PTK2: variants seen among roughly 807,000 people sequenced by gnomAD.
The protein encoded by PTK2 is focal adhesion kinase 1.
Under a neutral mutation model 150.1 loss-of-function variants are expected in PTK2, and 45 were observed. That is an observed-to-expected ratio of 0.30 (90% CI 0.24 to 0.38). The LOEUF (loss-of-function observed/expected upper bound fraction) is 0.38, where lower values mean the gene tolerates loss of function less well. PTK2 is among the 10% of genes least tolerant of loss of function. PTK2 has a pLI of 1.00. For missense variants in PTK2, 919 were observed against 1,307.3 expected (o/e 0.70, Z 4.58); for synonymous variants, 432 against 449.2 (o/e 0.96, Z 0.48).
At chr8:140,682,612 AT>A (rs2100017691) in intron 27 of PTK2, among the ~76,000 whole-genome samples, 1 of 151,752 alleles carries the variant, frequency 6.6e-6, no homozygotes, top group African/African-American at 2.4e-5. Flanking sequence ...ACAATTGGCT[AT>A]AAAACAATTC....
chr8:140,871,037 A>G (rs2100142190), intron 4 of PTK2, among the ~76,000 whole-genome samples: 1 of 152,212 alleles, frequency 6.6e-6, no homozygotes, highest in African/African-American at 2.4e-5. Flanking sequence ...AGCTCCCTAC[A>G]ACAAAGAATT....
At chr8:140,671,134 C>G (rs1419983371) in intron 29 of PTK2, among the ~76,000 whole-genome samples, 2 of 152,132 alleles carry the variant, frequency 1.3e-5, no homozygotes, top group African/African-American at 2.4e-5. Flanking sequence ...CAGTTAAGAA[C>G]CAAAATGCAG....
chr8:140,790,295 G>A (rs2100087698), intron 13 of PTK2, among the ~76,000 whole-genome samples: 1 of 152,100 alleles, frequency 6.6e-6, no homozygotes, highest in Non-Finnish European at 1.5e-5. Flanking sequence ...CACAATGCTT[G>A]GAACAAGAGT....
intron 1 of PTK2, among the ~76,000 whole-genome samples, chr8:140,950,364 C>A (rs1569424383): frequency 1.3e-5 from 2 of 152,256 alleles, no homozygotes; most frequent in Admixed American, 6.5e-5. Flanking sequence ...TTCCCCTCAT[C>A]CAGATGCGGG....
rs1480178448 is a variant in PTK2 at position 140,677,612 on chromosome 8, TTACAA to T, written c.2563-2118_2563-2114del. On this transcript the variant is annotated intron_variant, in intron 27 of 31. Transcript: ENST00000522684. ...TTCTATTGAAAAGAGATCCACTTCT[TTACAA>T]TACAAGTGCTATAAAAAATAGCACA... Among the ~76,000 whole-genome samples the T allele has an allele frequency of 4.7e-4, 71 of 152,348 alleles. 1 individual carries two copies. The highest frequency in any genetic ancestry group is 1.4e-3 in the African/African-American group (57 of 41,586).
chr8:140,706,257 C>G (rs1591384903), intron 23 of PTK2, 52 bp from the exon 27 acceptor site: 6 of 1,381,346 alleles, frequency 4.3e-6, no homozygotes, highest in Non-Finnish European at 6.2e-6. Context: ...TTTGACAAAC[C>G]TGTACTTTAT....
intron 1 of PTK2, among the ~76,000 whole-genome samples, chr8:140,952,760 G>A (rs148571343): frequency 1.3e-5 from 2 of 152,210 alleles, no homozygotes; most frequent in Non-Finnish European, 2.9e-5. Flanking sequence ...TTTACCACCA[G>A]ACTTAGAAGA....
chr8:140,953,088 A>C (rs949418068), intron 1 of PTK2, among the ~76,000 whole-genome samples: 1 of 152,216 alleles, frequency 6.6e-6, no homozygotes, highest in Non-Finnish European at 1.5e-5. Flanking sequence ...ATTAAAATTA[A>C]GGAGTTAGGA....
intron 1 of PTK2, among the ~76,000 whole-genome samples, chr8:140,980,407 G>C (rs1006583389): frequency 2.0e-5 from 3 of 152,248 alleles, no homozygotes; most frequent in Non-Finnish European, 1.5e-5. Context: ...TGGATCACGA[G>C]GTCAGGAGAT....
chr8:140,926,286 A>T (rs2100169420), intron 1 of PTK2, among the ~76,000 whole-genome samples: 1 of 152,206 alleles, frequency 6.6e-6, no homozygotes, highest in Non-Finnish European at 1.5e-5. Flanking sequence ...TAACATATCT[A>T]ATATTAAAAC....
intron 1 of PTK2, among the ~76,000 whole-genome samples, chr8:140,928,393 A>G (rs2100170501): frequency 6.6e-6 from 1 of 152,232 alleles, no homozygotes; most frequent in Non-Finnish European, 1.5e-5. Context: ...GGAAAACAAC[A>G]TGGGTGGTCC....
At chr8:140,754,142 C>T (rs1222997308) in intron 16 of PTK2, among the ~76,000 whole-genome samples, 1 of 152,146 alleles carries the variant, frequency 6.6e-6, no homozygotes, top group East Asian at 1.9e-4. Context: ...GACTGCATTC[C>T]CTTTCTTCAC....
chr8:140,899,051 T>C (rs917069509), intron 2 of PTK2, among the ~76,000 whole-genome samples: 1 of 152,342 alleles, frequency 6.6e-6, no homozygotes, highest in Non-Finnish European at 1.5e-5. Context: ...TCTATAACGC[T>C]TGAGTTTATT....
chr8:140,925,491 T>A, intron 2 of PTK2, 170 bp downstream of exon 2: 1 of 305,956 alleles, frequency 3.3e-6, no homozygotes, highest in Non-Finnish European at 4.8e-6. Context: ...TTTTCAAAAA[T>A]TTTAGTCTAT....
At chr8:140,698,924 ATTTTTTTTTTTT>A (rs10713722) in intron 26 of PTK2, among the ~76,000 whole-genome samples, 2 of 96,202 alleles carry the variant, frequency 2.1e-5, no homozygotes, top group South Asian at 3.6e-4. Flanking sequence ...TAATTTTTGT[ATTTTTTTTTTTT>A]TTTTTTTTTT....
chr8:140,674,857 G>A (rs1589434518), intron 28 of PTK2, among the ~76,000 whole-genome samples: 1 of 150,980 alleles, frequency 6.6e-6, no homozygotes, highest in African/African-American at 2.4e-5. Flanking sequence ...GACCAGCCTG[G>A]GCAACACGAT....
At chr8:140,755,272 T>C (rs2154528843) in intron 16 of PTK2, among the ~76,000 whole-genome samples, 1 of 152,270 alleles carries the variant, frequency 6.6e-6, no homozygotes, top group East Asian at 1.9e-4. Context: ...AAAAAATGTG[T>C]GCCAATCAGA....
At chr8:140,876,372 T>C (rs1364113495) in intron 4 of PTK2, among the ~76,000 whole-genome samples, 1 of 152,260 alleles carries the variant, frequency 6.6e-6, no homozygotes, top group African/African-American at 2.4e-5. Flanking sequence ...CTTTCCTCAC[T>C]ACTTTGAACA....
chr8:140,722,617 G>C (rs760297188), intron 22 of PTK2, among the ~76,000 whole-genome samples: 10 of 152,100 alleles, frequency 6.6e-5, no homozygotes, highest in Non-Finnish European at 1.3e-4. Context: ...ATGGTCACTG[G>C]GAGCAGGAGA....
Sources: gnomAD v4.1 joint callset for allele counts (sites outside exome capture counted in the v4.1 genomes callset) on GRCh38, gnomAD v4.1.1 for gene constraint, MANE v1.5 for transcripts, NCBI Gene and HGNC (gene_info 2026-07-23, HGNC 2026-07-21) for gene names.